PARP14: variants seen among roughly 807,000 people sequenced by gnomAD.
PARP14 encodes poly(ADP-ribose) polymerase family member 14, also known as protein mono-ADP-ribosyltransferase PARP14.
A neutral mutation model predicts 154.2 loss-of-function variants in PARP14; 59 were observed. The ratio of observed to expected loss-of-function variants is 0.38; its 90% confidence interval spans 0.31 to 0.48. The LOEUF (loss-of-function observed/expected upper bound fraction) is 0.48. Ranked by LOEUF, PARP14 falls within the 20% of genes least tolerant of loss-of-function variation. The pLI is 0.98. For synonymous variants in PARP14, 720 were observed against 780.5 expected (o/e 0.92, Z 1.29); for missense variants, 1,734 against 2,131.6 (o/e 0.81, Z 3.67).
At position 122,700,960 on chromosome 3, in the gene PARP14, T is replaced by A; in HGVS notation, c.2406T>A (p.Val802=). The A allele has an allele frequency of 6.2e-7, 1 of 1,613,926 alleles. No individual in the cohort carries two copies. Among genetic ancestry groups the A allele is most frequent in the Non-Finnish European group, 8.5e-7 (1 of 1,179,856 alleles). The stretch of plus-strand genomic sequence containing the variant: ...CTCGGACAGTCTTGGCCCCTGGCGT[T>A]GTGCTGATTGTGCAGCAGGGTGACT... ...CFSRTVLAPG[V]VLIVQQGDLA... is the part of the protein sequence containing the mutation. Residue 802 remains valine (V), a synonymous_variant, in exon 6 of 17, where the codon GTT becomes GTA. Coordinates refer to ENST00000474629, the MANE Select transcript of PARP14 (RefSeq NM_017554.3).
At chr3:122,707,968 A>G (rs12492294) in intron 8 of PARP14, among the ~76,000 whole-genome samples, 12,350 of 152,270 alleles carry the variant, frequency 0.081, 653 homozygotes, top group East Asian at 0.13. Context: ...ATTTATCCAC[A>G]TCGTTGTCCA....
Position 122,727,934 on chromosome 3 carries a change from C to T in PARP14, c.5064C>T (p.Ser1688=), listed in dbSNP as rs766941855. The change falls in exon 16 of 17, where the codon TCC becomes TCT. Residue 1688 remains serine (S), a synonymous_variant. Coordinates refer to ENST00000474629, the MANE Select transcript of PARP14 (RefSeq NM_017554.3). The part of the protein sequence containing the change: ...KQLFHGTDAG[S]VPHVNRNGFN... Reference sequence around the variant, plus strand: ...TCTTCCATGGGACAGATGCCGGCTCCGTGCCACACGTCAATCGAAATGGCT... The same window carrying T: ...TCTTCCATGGGACAGATGCCGGCTCTGTGCCACACGTCAATCGAAATGGCT... 43 of 1,613,612 alleles carry T rather than the reference C, an allele frequency of 2.7e-5. No individual in the cohort carries two copies. The East Asian group carries it at 4.7e-4, about 18-fold the overall frequency.
Position 122,718,822 on chromosome 3 carries a change from G to T in PARP14, c.4671G>T (p.Glu1557Asp). ...ACAAAATGACCAATCTGAAATTAGA[G>T]GATGCAAGGAGAGAAAAGAAAAAAA... Reference protein sequence around the residue: ...CFNKMTNLKLEDARREKKKTV... With the variant: ...CFNKMTNLKLDDARREKKKTV... Residue 1557 changes from glutamate to aspartate, a missense_variant, in exon 14 of 17, where the codon GAG becomes GAT. Physicochemically the swap from Glu to Asp is conservative, Grantham distance 45. Around this residue, in one of 2 missense-constraint regions of PARP14, gnomAD observed 1,646 missense variants for 1,976.0 expected, o/e 0.83. Transcript: ENST00000474629. 6.2e-7 allele frequency: 1 copy of T among 1,613,862 alleles called. No homozygotes were observed. The highest frequency in any genetic ancestry group is 8.5e-7 in the Non-Finnish European group (1 of 1,179,856).
chr3:122,689,203 G>A (rs2107637668), intron 3 of PARP14, among the ~76,000 whole-genome samples: 1 of 152,260 alleles, frequency 6.6e-6, no homozygotes, highest in Middle Eastern at 3.4e-3. Context: ...TCCTCCCCAA[G>A]CAAGGGCCCT....
intron 9 of PARP14, among the ~76,000 whole-genome samples, chr3:122,709,469 G>A (rs1939254583): frequency 6.6e-6 from 1 of 152,092 alleles, no homozygotes; most frequent in South Asian, 2.1e-4. Flanking sequence ...GGACACTTAG[G>A]TTGGTTCCAT....
intron 15 of PARP14, among the ~76,000 whole-genome samples, chr3:122,727,048 A>T (rs1933306268): frequency 6.6e-6 from 1 of 151,102 alleles, no homozygotes; most frequent in Non-Finnish European, 1.5e-5. Context: ...GTTAAGCCTG[A>T]GAGTTCTCCA....
intron 10 of PARP14, 73 bp downstream of exon 10, chr3:122,713,646 G>A: frequency 7.3e-7 from 1 of 1,375,102 alleles, no homozygotes; most frequent in Non-Finnish European, 1.0e-6. Context: ...TAGCCAAACT[G>A]GTTTTTAGAA....
At chr3:122,694,462 T>C (rs1383800626) in intron 4 of PARP14, among the ~76,000 whole-genome samples, 1 of 152,118 alleles carries the variant, frequency 6.6e-6, no homozygotes, top group Non-Finnish European at 1.5e-5. Context: ...CTGGCAAAGA[T>C]TTGTTATATT....
chr3:122,701,719 T>C lies in PARP14; in HGVS notation c.3081+84T>C. 2.0e-6 allele frequency: 2 copies of C among 1,002,906 alleles called. No homozygotes were observed. Among genetic ancestry groups the C allele is most frequent in the South Asian group, 1.7e-5 (1 of 58,094 alleles). 62.1% of individuals were successfully genotyped at this position (1,002,906 alleles called of 1,614,324 possible). On this transcript the variant is annotated intron_variant, in intron 6 of 16. Coordinates refer to ENST00000474629, the MANE Select transcript of PARP14 (RefSeq NM_017554.3). This position sits in a 1 kb window ranked among gnomAD's most constrained non-coding sequence, Gnocchi z 4.0. ...TCTCTCATGGAGGGCTGAAGAAAGA[T>C]AAGGACCAAGGTGAGAATCAAGGGA...
chr3:122,695,070 G>A (rs1327687954), intron 4 of PARP14, among the ~76,000 whole-genome samples: 3 of 152,240 alleles, frequency 2.0e-5, no homozygotes, highest in Non-Finnish European at 4.4e-5. Context: ...TGTACACCTG[G>A]CTGAGGAGTG....
intron 6 of PARP14, among the ~76,000 whole-genome samples, chr3:122,702,772 C>G (rs1939017372): frequency 6.6e-6 from 1 of 151,896 alleles, no homozygotes; most frequent in Non-Finnish European, 1.5e-5. Context: ...CTCTTTGGAC[C>G]AAGCATCAGT....
At chr3:122,714,583 A>G (rs1187746968) in intron 12 of PARP14, among the ~76,000 whole-genome samples, 154 bp downstream of exon 12, 1 of 152,190 alleles carries the variant, frequency 6.6e-6, no homozygotes, top group Non-Finnish European at 1.5e-5. Context: ...GACAACTCCC[A>G]AGGGAATGAC....
intron 2 of PARP14, among the ~76,000 whole-genome samples, chr3:122,685,815 CT>C (rs1056034458): frequency 4.6e-5 from 7 of 152,038 alleles, no homozygotes; most frequent in African/African-American, 1.7e-4. Context: ...GCTGGGGGTA[CT>C]TTTTATGTGA....
rs762388979 is a variant in PARP14 at position 122,714,274 on chromosome 3, A to C, written c.3845A>C (p.Lys1282Thr). ...CTGTGTTTCCCAGCTCAGCAGCGCA[A>C]AAATGATTATATAATCACCGGAGGT... ...RECSQQAQQR[K>T]NDYIITGGGF... Residue 1282 changes from lysine to threonine, a missense_variant, in exon 12 of 17, where the codon AAA (lysine) becomes ACA (threonine). Transcript: ENST00000474629. 1 of 1,597,960 alleles carries C rather than the reference A, an allele frequency of 6.3e-7. No individual in the cohort carries two copies. Among genetic ancestry groups the C allele is most frequent in the East Asian group, 2.3e-5 (1 of 44,364 alleles).
intron 15 of PARP14, among the ~76,000 whole-genome samples, chr3:122,727,318 GCACCGGTCTTC>G (rs2107657283): frequency 6.6e-6 from 1 of 152,334 alleles, no homozygotes; most frequent in South Asian, 2.1e-4. Flanking sequence ...CAAGATTCAT[GCACCGGTCTTC>G]CAACTGGACC....
At position 122,701,592 on chromosome 3, in the gene PARP14, G is replaced by A; in HGVS notation, c.3038G>A (p.Gly1013Asp). The change falls in exon 6 of 17, where the codon GGC (glycine) becomes GAC (aspartate). Residue 1013 changes from glycine to aspartate, a missense_variant. Coordinates refer to ENST00000474629, the MANE Select transcript of PARP14 (RefSeq NM_017554.3). This position sits in a 1 kb window ranked among gnomAD's most constrained non-coding sequence, Gnocchi z 4.0. ...WEKGSLVSPG[G>D]LQMLLVKEGV... ...AAAGGAAGCCTGGTGTCCCCGGGAG[G>A]CCTGCAGATGCTGTTGGTGAAAGAG... 1 of 1,604,892 alleles carries A rather than the reference G, an allele frequency of 6.2e-7. No individual in the cohort carries two copies. Among genetic ancestry groups the A allele is most frequent in the Non-Finnish European group, 8.5e-7 (1 of 1,175,390 alleles).
intron 6 of PARP14, among the ~76,000 whole-genome samples, chr3:122,703,018 A>T (rs907144158): frequency 1.0e-5 from 1 of 98,172 alleles, no homozygotes; most frequent in African/African-American, 3.5e-5. Flanking sequence ...AAACAAAAAA[A>T]AAAAACAAAA....
At chr3:122,687,038 T>G in intron 2 of PARP14, 42 bp from the exon 3 acceptor site, 2 of 1,387,660 alleles carry the variant, frequency 1.4e-6, no homozygotes, top group South Asian at 2.5e-5. Context: ...GTAAATAAAT[T>G]GTTAATCATG....
At position 122,695,405 on chromosome 3, in the gene PARP14, CTT is replaced by C. The variant is rs71621688; in HGVS notation, c.599-11_599-10del. On this transcript the variant is annotated intron_variant, in intron 4 of 16. Coordinates refer to ENST00000474629, the MANE Select transcript of PARP14 (RefSeq NM_017554.3). ...CAATAAAAATTTACTGATTTTCTTTCTTTTTTTTTTTGGTTTGTAGATACTAT... is the reference window on the plus strand; with the variant it reads ...CAATAAAAATTTACTGATTTTCTTTCTTTTTTTTTGGTTTGTAGATACTAT... 4.2e-4 allele frequency: 385 copies of C among 913,864 alleles called. No individual in the cohort carries two copies. The highest frequency in any genetic ancestry group is 4.9e-4 in the South Asian group (26 of 53,576). 56.6% of individuals were successfully genotyped at this position (913,864 alleles called of 1,614,324 possible). A position where few individuals can be genotyped will look rare whatever the true frequency, so the allele number is the denominator to read the frequency against.
Sources: allele counts gnomAD v4.1 joint callset (sites outside exome capture counted in the v4.1 genomes callset), GRCh38; gene constraint gnomAD v4.1.1; regional missense constraint gnomAD v4.1.1; non-coding constraint Gnocchi (gnomAD v3.1); transcripts MANE v1.5; gene names NCBI Gene and HGNC (gene_info 2026-07-23, HGNC 2026-07-21).